RABGAP1L: variants seen among roughly 807,000 people sequenced by gnomAD.
RABGAP1L encodes RAB GTPase activating protein 1 like.
RABGAP1L carries 63 observed loss-of-function variants against 137.7 expected under a neutral mutation model. The observed-to-expected ratio is 0.46, with a 90% confidence interval of 0.37 to 0.56. The LOEUF is 0.56. RABGAP1L is among the 20% of genes least tolerant of loss of function. The pLI is 0.00. For synonymous variants in RABGAP1L, 431 were observed against 433.7 expected, an observed-to-expected ratio of 0.99 and a Z score of 0.08; for missense variants, 1,095 against 1,244.0, an observed-to-expected ratio of 0.88 and a Z score of 1.80.
At chr1:174,542,350 A>G (rs1320903349) in intron 13 of RABGAP1L, among the ~76,000 whole-genome samples, 2 of 152,038 alleles carry the variant, frequency 1.3e-5, no homozygotes, top group Non-Finnish European at 2.9e-5. Flanking sequence ...GAATTTATCC[A>G]TTTCTTCTAG....
intron 1 of RABGAP1L, among the ~76,000 whole-genome samples, chr1:174,176,509 A>G (rs528931604): frequency 4.0e-5 from 6 of 150,196 alleles, no homozygotes; most frequent in African/African-American, 1.5e-4. Flanking sequence ...TAGGAGTTCA[A>G]GATTAGCCTG....
At chr1:174,312,842 A>C (rs1441596666) in intron 11 of RABGAP1L, among the ~76,000 whole-genome samples, 1 of 152,180 alleles carries the variant, frequency 6.6e-6, no homozygotes, top group East Asian at 1.9e-4. Flanking sequence ...AGAACCATTT[A>C]TTGAAGAGAC....
In RABGAP1L at chr1:174,448,928, G is replaced by T. The variant is rs1655114384; in HGVS notation, c.1710+54783G>T. 8 of 1,613,982 alleles carry T rather than the reference G, an allele frequency of 5.0e-6. No homozygotes were observed. The highest frequency in any genetic ancestry group is 6.8e-6 in the Non-Finnish European group (8 of 1,179,884). The stretch of plus-strand genomic sequence containing the variant: ...CATGGTTTTGTTTAGGATAACCAGT[G>T]TATTTTATATGCTGTGGCTCCCCTA... On this transcript the variant is annotated intron_variant, in intron 13 of 25. Coordinates refer to ENST00000681986, the MANE Select transcript of RABGAP1L (RefSeq NM_001366446.1). The surrounding 1 kb of genome is among the most constrained non-coding windows in gnomAD (Gnocchi z 4.2).
intron 17 of RABGAP1L, among the ~76,000 whole-genome samples, chr1:174,749,812 A>G (rs532755458): frequency 6.6e-6 from 1 of 152,200 alleles, no homozygotes; most frequent in Non-Finnish European, 1.5e-5. Context: ...CCTCTATAGA[A>G]AGTAAATTTT....
chr1:174,623,399 C>G (rs972286820), intron 13 of RABGAP1L, among the ~76,000 whole-genome samples: 1 of 152,060 alleles, frequency 6.6e-6, no homozygotes, highest in African/African-American at 2.4e-5. Context: ...CAAAACCACC[C>G]TTAAGTTCAT....
intron 19 of RABGAP1L, among the ~76,000 whole-genome samples, chr1:174,840,602 A>G (rs1693266518): frequency 6.7e-6 from 1 of 150,090 alleles, no homozygotes; most frequent in African/African-American, 2.4e-5. Flanking sequence ...ACCTGAGGTC[A>G]GGAGCTCAAA....
chr1:174,790,796 G>A (rs997853145), intron 18 of RABGAP1L, among the ~76,000 whole-genome samples: 2 of 151,642 alleles, frequency 1.3e-5, no homozygotes, highest in Non-Finnish European at 2.9e-5. Context: ...GGCAGGGGGC[G>A]GGGGGTATGT....
intron 19 of RABGAP1L, among the ~76,000 whole-genome samples, chr1:174,836,415 C>T (rs565439468): frequency 6.6e-6 from 1 of 152,294 alleles, no homozygotes; most frequent in African/African-American, 2.4e-5. Context: ...TTTCCACCTG[C>T]TAATAGCACC....
At chr1:174,719,121 G>C (rs1681270550) in intron 17 of RABGAP1L, among the ~76,000 whole-genome samples, 1 of 152,042 alleles carries the variant, frequency 6.6e-6, no homozygotes, top group Non-Finnish European at 1.5e-5. Flanking sequence ...TTACAGGCGT[G>C]AGCCACCGCA....
chr1:174,745,744 C>T (rs532878408), intron 17 of RABGAP1L, among the ~76,000 whole-genome samples: 3 of 152,090 alleles, frequency 2.0e-5, no homozygotes, highest in Non-Finnish European at 2.9e-5. Flanking sequence ...TAGTGTTTAT[C>T]GAATATTTAC....
chr1:174,925,162 G>A (rs1329139891), intron 19 of RABGAP1L, among the ~76,000 whole-genome samples: 2 of 151,826 alleles, frequency 1.3e-5, no homozygotes, highest in African/African-American at 4.8e-5. Context: ...TCAGTAGATT[G>A]AGACCATCCT....
chr1:174,748,856 C>T (rs1414033304), intron 17 of RABGAP1L, among the ~76,000 whole-genome samples: 2 of 151,198 alleles, frequency 1.3e-5, no homozygotes, highest in African/African-American at 4.9e-5. Flanking sequence ...GTCTGGGTGA[C>T]AGAACGAGAC....
chr1:174,828,264 GGTTTCT>G (rs1558122494), intron 19 of RABGAP1L, among the ~76,000 whole-genome samples: 1 of 147,858 alleles, frequency 6.8e-6, no homozygotes, highest in African/African-American at 2.5e-5. Context: ...CTCCGGCTTT[GGTTTCT>G]GTCCCCTCTA....
chr1:174,785,911 AT>A (rs1296130750), intron 18 of RABGAP1L, among the ~76,000 whole-genome samples: 4 of 152,368 alleles, frequency 2.6e-5, no homozygotes, highest in African/African-American at 9.6e-5. Context: ...TGATCAGAGC[AT>A]TATAACCTGG....
chr1:174,431,761 G>A (rs1652658366), intron 13 of RABGAP1L, among the ~76,000 whole-genome samples: 1 of 152,100 alleles, frequency 6.6e-6, no homozygotes, highest in Admixed American at 6.6e-5. Flanking sequence ...AGGTATGATT[G>A]TATCAGAAGA....
chr1:174,671,024 A>G (rs1186093164), intron 14 of RABGAP1L, among the ~76,000 whole-genome samples: 1 of 152,026 alleles, frequency 6.6e-6, no homozygotes, highest in African/African-American at 2.4e-5. Flanking sequence ...GTATAAAGGT[A>G]CCCTTTTCTC....
intron 19 of RABGAP1L, among the ~76,000 whole-genome samples, chr1:174,820,591 G>A (rs887664095): frequency 2.6e-5 from 4 of 152,130 alleles, no homozygotes; most frequent in African/African-American, 9.7e-5. Flanking sequence ...AAAAGGGCCT[G>A]GGAGAAGGGA....
At chr1:174,910,267 ACCAATAACAAGAACC>A (rs1659842598) in intron 19 of RABGAP1L, among the ~76,000 whole-genome samples, 1 of 152,254 alleles carries the variant, frequency 6.6e-6, no homozygotes, top group East Asian at 1.9e-4. Flanking sequence ...CATGGACAGA[ACCAATAACAAGAACC>A]ATTTGATTAT....
chr1:174,347,917 T>C (rs1047662418), intron 11 of RABGAP1L, among the ~76,000 whole-genome samples: 1 of 152,198 alleles, frequency 6.6e-6, no homozygotes, highest in Non-Finnish European at 1.5e-5. Context: ...TGTTTATTTC[T>C]TGTAGGCAAC....
Sources: gnomAD v4.1 joint callset for allele counts (sites outside exome capture counted in the v4.1 genomes callset) on GRCh38, gnomAD v4.1.1 for gene constraint, Gnocchi (gnomAD v3.1) non-coding constraint, MANE v1.5 for transcripts, NCBI Gene and HGNC (gene_info 2026-07-23, HGNC 2026-07-21) for gene names.